The following GRID2 variants were observed in gnomAD, a reference collection of about 807,000 sequenced individuals.
GRID2 encodes the protein glutamate receptor ionotropic, delta-2.
In GRID2, 33 loss-of-function variants were observed where a neutral mutation model predicts 114.8. That is an observed-to-expected ratio of 0.29 (90% CI 0.22 to 0.38). The LOEUF (loss-of-function observed/expected upper bound fraction) is 0.38. GRID2 is among the 10% of genes least tolerant of loss of function. GRID2 has a pLI of 1.00. For synonymous variants in GRID2, 505 were observed against 449.9 expected (o/e 1.12, Z -1.55); for missense variants, 1,184 against 1,257.7 (o/e 0.94, Z 0.89).
At chr4:92,523,106 T>C (rs1300855760) in intron 1 of GRID2, among the ~76,000 whole-genome samples, 1 of 151,868 alleles carries the variant, frequency 6.6e-6, no homozygotes, top group African/African-American at 2.4e-5. Flanking sequence ...GTGGCAAAGA[T>C]GGGTAAGAAT....
rs114734071 is a variant in GRID2 at position 92,793,801 on chromosome 4, A to G, written c.244+203515A>G. 2.8e-3 allele frequency among the ~76,000 whole-genome samples: 430 copies of G among 152,006 alleles called. 2 individuals carry two copies. The highest frequency in any genetic ancestry group is 9.9e-3 in the African/African-American group (411 of 41,528). Reference sequence around the variant, plus strand: ...TAGTGAAAATCTGCTACATGAAAGGACAGAACACAAACAAAACCCATTAGC... The same window carrying G: ...TAGTGAAAATCTGCTACATGAAAGGGCAGAACACAAACAAAACCCATTAGC... On this transcript the variant is annotated intron_variant, in intron 2 of 15. Transcript: ENST00000282020.
chr4:93,028,857 T>A (rs902256636), intron 2 of GRID2, among the ~76,000 whole-genome samples: 1 of 152,060 alleles, frequency 6.6e-6, no homozygotes, highest in Non-Finnish European at 1.5e-5. Flanking sequence ...TTGTAAATGA[T>A]GTACTTTAAA....
Position 92,955,459 on chromosome 4 carries a change from C to G in GRID2, c.245-129536C>G, listed in dbSNP as rs1445830761. 1.2e-3 allele frequency among the ~76,000 whole-genome samples: 185 copies of G among 151,074 alleles called. 1 individual carries two copies. Among genetic ancestry groups the G allele is most frequent in the African/African-American group, 2.7e-3 (109 of 40,960 alleles). On this transcript the variant is annotated intron_variant, in intron 2 of 15. Transcript: ENST00000282020. The stretch of plus-strand genomic sequence containing the variant: ...ATGTCCTTTGCCCACTTTTTGATGG[C>G]GTTGTTTGTTTTTTTCTTGTAAATT...
intron 15 of GRID2, among the ~76,000 whole-genome samples, 181 bp from the exon 16 acceptor site, chr4:93,771,895 A>G (rs1334124944): frequency 1.3e-5 from 2 of 152,234 alleles, no homozygotes; most frequent in African/African-American, 4.8e-5. Flanking sequence ...ATCTTATCTC[A>G]GAATTGGAAT....
intron 2 of GRID2, among the ~76,000 whole-genome samples, chr4:92,719,122 G>C (rs1219260551): frequency 2.0e-5 from 3 of 151,918 alleles, no homozygotes; most frequent in Admixed American, 6.6e-5. Flanking sequence ...AAGTATCTGG[G>C]ATTGCAGGTG....
At chr4:93,563,442 A>G (rs1735107597) in intron 13 of GRID2, among the ~76,000 whole-genome samples, 1 of 151,942 alleles carries the variant, frequency 6.6e-6, no homozygotes, top group African/African-American at 2.4e-5. Context: ...GAAAGTAAAC[A>G]TTCAGTCCTA....
At chr4:93,588,089 C>A (rs17020818) in intron 13 of GRID2, among the ~76,000 whole-genome samples, 6,189 of 152,010 alleles carry the variant, frequency 0.041, 157 homozygotes, top group African/African-American at 0.07. Context: ...TATGAAAATA[C>A]CTTCATGAAA....
intron 13 of GRID2, among the ~76,000 whole-genome samples, chr4:93,593,196 T>A (rs2149619581): frequency 6.7e-6 from 1 of 149,032 alleles, no homozygotes; most frequent in African/African-American, 2.4e-5. Context: ...CTGGTACCGG[T>A]TGTTCCTTTC....
At chr4:92,794,601 T>C (rs1739760990) in intron 2 of GRID2, among the ~76,000 whole-genome samples, 2 of 151,582 alleles carry the variant, frequency 1.3e-5, no homozygotes, top group Admixed American at 6.6e-5. Flanking sequence ...ATATTTGCAA[T>C]TGAAACATTT....
At chr4:92,939,359 T>A (rs895808999) in intron 2 of GRID2, among the ~76,000 whole-genome samples, 4 of 147,780 alleles carry the variant, frequency 2.7e-5, no homozygotes, top group Non-Finnish European at 4.5e-5. Flanking sequence ...TGCATAAATG[T>A]CTTCCTTTGA....
chr4:92,966,374 C>A (rs1753158074), intron 2 of GRID2, among the ~76,000 whole-genome samples: 1 of 151,886 alleles, frequency 6.6e-6, no homozygotes, highest in South Asian at 2.1e-4. Flanking sequence ...AAGGACAAAG[C>A]CCTTGACCTA....
At chr4:92,807,653 C>T (rs2149376703) in intron 2 of GRID2, among the ~76,000 whole-genome samples, 1 of 151,926 alleles carries the variant, frequency 6.6e-6, no homozygotes, top group East Asian at 1.9e-4. Flanking sequence ...CAGAAAAGTC[C>T]CCTCAAATTG....
intron 8 of GRID2, among the ~76,000 whole-genome samples, chr4:93,277,573 G>A (rs1288054996): frequency 6.6e-6 from 1 of 151,194 alleles, no homozygotes; most frequent in Non-Finnish European, 1.5e-5. Flanking sequence ...TTAATATACA[G>A]TGATTATTTT....
At chr4:92,763,611 T>G (rs779140324) in intron 2 of GRID2, among the ~76,000 whole-genome samples, 26 of 152,234 alleles carry the variant, frequency 1.7e-4, no homozygotes, top group Admixed American at 5.9e-4. Flanking sequence ...TGTACCCATA[T>G]AAGTGACTTG....
rs1408067516 is a variant in GRID2, at chr4:93,638,318, TTA to T, written c.2360+11884_2360+11885del. Among the ~76,000 whole-genome samples, 24 of 42,144 alleles carry T rather than the reference TTA, an allele frequency of 5.7e-4. 9 individuals are homozygous for T. The highest frequency in any genetic ancestry group is 3.3e-3 in the South Asian group (6 of 1,800). The allele number at this position is 42,144 out of a possible 152,430, so 27.6% of individuals were successfully genotyped here. On this transcript the variant is annotated intron_variant, in intron 14 of 15. Coordinates refer to ENST00000282020, the MANE Select transcript of GRID2 (RefSeq NM_001510.4). ...ACTTGCATCTTTTTTTTTTTTTTTT[TTA>T]ATTATACTCTAAGTTTTAGGGTACA...
chr4:92,914,145 C>G (rs977667504), intron 2 of GRID2, among the ~76,000 whole-genome samples: 5 of 151,920 alleles, frequency 3.3e-5, no homozygotes, highest in Non-Finnish European at 5.9e-5. Context: ...ATTTTCTATC[C>G]ACTTTGCATT....
chr4:93,577,541 G>A (rs1736542196), intron 13 of GRID2, among the ~76,000 whole-genome samples: 1 of 152,150 alleles, frequency 6.6e-6, no homozygotes, highest in East Asian at 1.9e-4. Flanking sequence ...AATTCTATCA[G>A]TAAATGTTTG....
At chr4:93,189,228 A>G (rs913173499) in intron 4 of GRID2, among the ~76,000 whole-genome samples, 1 of 152,080 alleles carries the variant, frequency 6.6e-6, no homozygotes, top group Non-Finnish European at 1.5e-5. Flanking sequence ...TGGGTAATTT[A>G]TAAACAATGT....
At chr4:93,115,092 T>TTGTGTGTGTG (rs546827152) in intron 4 of GRID2, among the ~76,000 whole-genome samples, 3 of 142,692 alleles carry the variant, frequency 2.1e-5, no homozygotes, top group African/African-American at 7.6e-5. Context: ...CTGTGTGTGC[T>TTGTGTGTGTG]TGTGTGTGTG....
Sources: gnomAD v4.1 joint callset for allele counts (sites outside exome capture counted in the v4.1 genomes callset) on GRCh38, gnomAD v4.1.1 for gene constraint, MANE v1.5 for transcripts, NCBI Gene and HGNC (gene_info 2026-07-23, HGNC 2026-07-21) for gene names.